PIGN: variants seen among roughly 807,000 people sequenced by gnomAD.
PIGN encodes the protein GPI ethanolamine phosphate transferase 1.
PIGN carries 117 observed loss-of-function variants against 125.4 expected under a neutral mutation model. The observed-to-expected ratio is 0.93, with a 90% confidence interval of 0.80 to 1.09. The LOEUF is 1.09. Among genes scored for constraint, PIGN ranks in the 50% least tolerant of loss-of-function variants. The pLI, the probability that PIGN is intolerant of heterozygous loss-of-function variation, is 0.00. For synonymous variants in PIGN, 392 were observed against 377.8 expected, an observed-to-expected ratio of 1.04 and a Z score of -0.44; for missense variants, 1,075 against 1,094.9, an observed-to-expected ratio of 0.98 and a Z score of 0.26.
intron 6 of PIGN, among the ~76,000 whole-genome samples, chr18:62,154,998 A>G (rs2036671189): frequency 6.6e-6 from 1 of 152,192 alleles, no homozygotes; most frequent in Admixed American, 6.5e-5. Context: ...GGATTAAACT[A>G]TTCAAAACAT....
At chr18:62,063,261 T>G in intron 30 of PIGN, among the ~76,000 whole-genome samples, 1 of 150,874 alleles carries the variant, frequency 6.6e-6, no homozygotes, top group South Asian at 2.1e-4. Context: ...TTTATAGATT[T>G]TAGCCAAAAT....
rs746816339 is a variant in PIGN at position 62,162,264 on chromosome 18, C to A, written c.-44G>T. On this transcript the variant is annotated 5_prime_UTR_variant, in exon 3 of 31. Coordinates refer to ENST00000640252, the MANE Select transcript of PIGN (RefSeq NM_176787.5). Reference sequence around the variant, plus strand: ...GTAAAAGAAGATACCATTAAATTGCCAAGATCAAACGGAACATGGGAGTAC... The same window carrying A: ...GTAAAAGAAGATACCATTAAATTGCAAAGATCAAACGGAACATGGGAGTAC... 3 of 151,820 alleles carry A rather than the reference C, an allele frequency of 2.0e-5. No homozygotes were observed. The highest frequency in any genetic ancestry group is 4.4e-5 in the Non-Finnish European group (3 of 67,936). 9.4% of individuals were successfully genotyped at this position (151,820 alleles called of 1,614,324 possible).
At chr18:62,122,353 C>T (rs1262312385) in intron 14 of PIGN, among the ~76,000 whole-genome samples, 3 of 152,046 alleles carry the variant, frequency 2.0e-5, no homozygotes, top group African/African-American at 7.2e-5. Context: ...CTAGATTACT[C>T]ATATAAGCTA....
chr18:62,092,724 A>G (rs1443473268), intron 23 of PIGN, among the ~76,000 whole-genome samples: 1 of 152,096 alleles, frequency 6.6e-6, no homozygotes, highest in Non-Finnish European at 1.5e-5. Context: ...AGTAGAGTTA[A>G]TACATGATTT....
intron 11 of PIGN, 102 bp from the exon 12 acceptor site, chr18:62,140,581 T>C (rs2036098434): frequency 3.4e-6 from 2 of 593,934 alleles, no homozygotes; most frequent in Non-Finnish European, 6.1e-6. Context: ...TGATATTTGT[T>C]ATAATCAGTT....
intron 30 of PIGN, chr18:62,052,196 GT>G (rs2031357345): frequency 6.6e-6 from 1 of 151,658 alleles, no homozygotes; most frequent in Non-Finnish European, 1.5e-5. Context: ...GGGGTGGAGA[GT>G]TCTGTAGATG....
intron 7 of PIGN, among the ~76,000 whole-genome samples, chr18:62,150,116 G>A (rs2036474551): frequency 6.6e-6 from 1 of 152,014 alleles, no homozygotes; most frequent in Non-Finnish European, 1.5e-5. Context: ...CAAGTAGCTG[G>A]GATTTCAGAC....
At chr18:62,115,936 G>A (rs1354395381) in intron 14 of PIGN, among the ~76,000 whole-genome samples, 1 of 151,922 alleles carries the variant, frequency 6.6e-6, no homozygotes, top group Admixed American at 6.6e-5. Flanking sequence ...AACAAAGCAA[G>A]ACCTCATTTC....
intron 14 of PIGN, among the ~76,000 whole-genome samples, chr18:62,127,036 G>A (rs1490460940): frequency 6.6e-6 from 1 of 152,078 alleles, no homozygotes; most frequent in Non-Finnish European, 1.5e-5. Flanking sequence ...AGGACACTGG[G>A]AAGGATAAAT....
chr18:62,151,439 C>T (rs980817535), intron 7 of PIGN, among the ~76,000 whole-genome samples: 2 of 152,162 alleles, frequency 1.3e-5, no homozygotes, highest in Non-Finnish European at 2.9e-5. Flanking sequence ...GCATAGTATG[C>T]CTGTCAGGGG....
At chr18:62,118,663 A>C (rs2146700745) in intron 14 of PIGN, 3 of 152,278 alleles carry the variant, frequency 2.0e-5, no homozygotes, top group Admixed American at 2.0e-4. Flanking sequence ...AGGACCTAAA[A>C]AGGAAGAAAA....
intron 12 of PIGN, 66 bp downstream of exon 12, chr18:62,140,354 A>G: frequency 1.4e-6 from 1 of 694,696 alleles, no homozygotes; most frequent in Non-Finnish European, 2.4e-6. Context: ...CATAAAAAAG[A>G]GTACATTTTA....
At chr18:62,106,683 G>T in intron 19 of PIGN, 106 bp downstream of exon 19, 1 of 715,884 alleles carries the variant, frequency 1.4e-6, no homozygotes, top group South Asian at 1.9e-5. Flanking sequence ...TTTTATGTAA[G>T]AACACATTCT....
intron 14 of PIGN, chr18:62,136,686 G>C (rs770029702): frequency 6.2e-6 from 1 of 160,830 alleles, no homozygotes; most frequent in Non-Finnish European, 1.4e-5. Context: ...TGCAACAGAA[G>C]TTGTCAAAAA....
chr18:62,113,241 A>G lies in PIGN; in HGVS notation c.1327T>C (p.Leu443=). The stretch of plus-strand genomic sequence containing the variant: ...AAACCAATAACAACATTGACGCCCA[A>G]AAAGAATCTGTCATATGTGTGATAA... ...SYYHTYDRFF[L]GVNVVIGFVG... Residue 443 remains leucine (L), a synonymous_variant, in exon 16 of 31, where the codon TTG becomes CTG. Transcript: ENST00000640252. The G allele has an allele frequency of 6.2e-7, 1 of 1,613,124 alleles. No individual in the cohort carries two copies. Among genetic ancestry groups the G allele is most frequent in the Non-Finnish European group, 8.5e-7 (1 of 1,179,394 alleles).
chr18:62,138,970 A>ATT lies in PIGN; in HGVS notation c.1116+11_1116+12dup. Reference sequence around the variant, plus strand: ...TCCATTTTTGTGCGTGCCTTTTTGAATTTTTTTTTTACCTTGAACTGTTCA... The same window carrying ATT: ...TCCATTTTTGTGCGTGCCTTTTTGAATTTTTTTTTTTTACCTTGAACTGTTCA... On this transcript the variant is annotated intron_variant, in intron 13 of 30. Coordinates refer to ENST00000640252, the MANE Select transcript of PIGN (RefSeq NM_176787.5). 9.8e-6 allele frequency: 13 copies of ATT among 1,324,096 alleles called. No individual in the cohort carries two copies. The highest frequency in any genetic ancestry group is 4.5e-5 in the South Asian group (3 of 66,884). The allele number at this position is 1,324,096 out of a possible 1,614,324, so 82.0% of individuals were successfully genotyped here. A position where few individuals can be genotyped will look rare whatever the true frequency, so the allele number is the denominator to read the frequency against.
chr18:62,167,504 C>T (rs1020458856), intron 1 of PIGN, among the ~76,000 whole-genome samples: 5 of 151,466 alleles, frequency 3.3e-5, no homozygotes, highest in Admixed American at 3.3e-4. Context: ...TGGTGGTGCA[C>T]ACCTGTGGTC....
Position 62,085,247 on chromosome 18 carries a change from T to C in PIGN, c.2388A>G (p.Thr796=), listed in dbSNP as rs1321479168. 7 of 1,544,690 alleles carry C rather than the reference T, an allele frequency of 4.5e-6. No individual in the cohort carries two copies. The South Asian group carries it at 7.2e-5, about 16-fold the overall frequency. ...RAFFLVFFLV[T]AFFGTGNIAS... is the part of the protein sequence containing the mutation. The stretch of plus-strand genomic sequence containing the variant: ...CTATATTTCCAGTTCCAAAAAATGC[T>C]GTCACTAAGAAGAAAACCTAAAGGG... The change falls in exon 26 of 31, where the codon ACA becomes ACG. Residue 796 remains threonine (T), a synonymous_variant. Coordinates refer to ENST00000640252, the MANE Select transcript of PIGN (RefSeq NM_176787.5).
intron 20 of PIGN, 90 bp downstream of exon 20, chr18:62,105,453 T>C: frequency 1.4e-6 from 1 of 740,606 alleles, no homozygotes; most frequent in Non-Finnish European, 2.3e-6. Flanking sequence ...GATTTTATAT[T>C]CTTGACCAAG....
Sources: gnomAD v4.1 joint callset for allele counts (sites outside exome capture counted in the v4.1 genomes callset) on GRCh38, gnomAD v4.1.1 for gene constraint, MANE v1.5 for transcripts, NCBI Gene and HGNC (gene_info 2026-07-23, HGNC 2026-07-21) for gene names.